Variants in ENSA observed in about 807,000 individuals in gnomAD.
ENSA encodes alpha-endosulfine.
Under a neutral mutation model 16.8 loss-of-function variants are expected in ENSA, and 7 were observed. That is an observed-to-expected ratio of 0.42 (90% confidence interval 0.24 to 0.78). The LOEUF (loss-of-function observed/expected upper bound fraction) is 0.78, where lower values mean the gene tolerates loss of function less well. Ranked by LOEUF, ENSA falls within the 30% of genes least tolerant of loss-of-function variation. The probability of loss-of-function intolerance (pLI) is 0.29; values close to 1 mark genes in which losing one functional copy is unlikely to be tolerated. For missense variants in ENSA, 87 were observed against 142.3 expected (o/e 0.61, Z 1.98); for synonymous variants, 58 against 53.4 (o/e 1.09, Z -0.37).
intron 3 of ENSA, chr1:150,623,594 T>C: frequency 1.0e-6 from 1 of 985,312 alleles, no homozygotes; most frequent in African/African-American, 1.7e-5. Context: ...GTACAGAATT[T>C]GAGAAGATCG....
intron 2 of ENSA, chr1:150,626,356 A>G: frequency 2.3e-6 from 2 of 869,352 alleles, no homozygotes; most frequent in Non-Finnish European, 1.9e-6. Context: ...CACATGTTCC[A>G]TGACTGTGAC....
chr1:150,629,291 C>G (rs1159676602), intron 1 of ENSA, 123 bp downstream of exon 1: 2 of 1,519,584 alleles, frequency 1.3e-6, no homozygotes, highest in Non-Finnish European at 1.8e-6. Flanking sequence ...CCCAGCGTGA[C>G]GCAAAAAGTG....
chr1:150,623,436 C>T, intron 3 of ENSA: 3 of 985,768 alleles, frequency 3.0e-6, no homozygotes, highest in Non-Finnish European at 3.6e-6. Context: ...TTGAAGATGA[C>T]CAGGTAGAGA....
In ENSA at chr1:150,627,503, T is replaced by G. The variant is rs764253231; in HGVS notation, c.147A>C (p.Gly49=). The G allele has an allele frequency of 3.1e-6, 5 of 1,614,222 alleles. No homozygotes were observed. The South Asian group carries it at 4.4e-5, about 14-fold the overall frequency. Residue 49 remains glycine (G), a synonymous_variant, in exon 2 of 4, where the codon GGA becomes GGC. Coordinates refer to ENST00000369014, the MANE Select transcript of ENSA (RefSeq NM_004436.4). ...AKYPSLGQKP[G]GSDFLMKRLQ... is the part of the protein sequence containing the mutation. ...GTCTCTTCATGAGGAAGTCGGAGCC[T>G]CCAGGCTTTTGTCCTAGGCTTGGGT...
chr1:150,626,860 A>G lies in ENSA; in HGVS notation c.183+607T>C, dbSNP rs986099843. On this transcript the variant is annotated intron_variant, in intron 2 of 3. Coordinates refer to ENST00000369014, the MANE Select transcript of ENSA (RefSeq NM_004436.4). The stretch of plus-strand genomic sequence containing the variant: ...CGCCTGGCCAAATTTTTTTTTTAAA[A>G]AACGATAATATAATCCCTCAGTCAG... Among the ~76,000 whole-genome samples the G allele has an allele frequency of 1.6e-4, 24 of 152,170 alleles. 1 individual carries two copies. Among genetic ancestry groups the G allele is most frequent in the Non-Finnish European group, 1.9e-4 (13 of 68,022 alleles).
At chr1:150,625,586 A>G (rs1267387667) in intron 3 of ENSA, 56 bp downstream of exon 3, 3 of 1,505,626 alleles carry the variant, frequency 2.0e-6, no homozygotes, top group Non-Finnish European at 2.7e-6. Context: ...ATCCCTGCCT[A>G]TAATATATAA....
chr1:150,629,066 C>T, intron 1 of ENSA: 1 of 1,614,156 alleles, frequency 6.2e-7, no homozygotes, highest in Non-Finnish European at 8.5e-7. Flanking sequence ...CTTACCTCTA[C>T]AAACCAATAA....
Position 150,622,700 on chromosome 1 carries a change from G to A in ENSA, c.*144C>T, listed in dbSNP as rs1042218849. 3.9e-6 allele frequency: 3 copies of A among 762,862 alleles called. No individual in the cohort carries two copies. Among genetic ancestry groups the A allele is most frequent in the African/African-American group, 1.8e-5 (1 of 55,280 alleles). The allele number at this position is 762,862 out of a possible 1,614,324, so 47.3% of individuals were successfully genotyped here. ...GCTCCATGTGCTGGGACACCAACAG[G>A]AAAGGGCTTCTGCCTCTCCAGCCCA... On this transcript the variant is annotated 3_prime_UTR_variant, in exon 4 of 4. Coordinates refer to ENST00000369014, the MANE Select transcript of ENSA (RefSeq NM_004436.4).
rs372855492 is a variant in ENSA at position 150,628,988 on chromosome 1, A to T, written c.57+426T>A. Reference sequence around the variant, plus strand: ...CCTCCCCCAATACTGGTTTTTTTTTAAACGTCTTTACCTCGACCCCTATCT... The same window carrying T: ...CCTCCCCCAATACTGGTTTTTTTTTTAACGTCTTTACCTCGACCCCTATCT... On this transcript the variant is annotated intron_variant, in intron 1 of 3. Transcript: ENST00000369014. 87 of 1,502,308 alleles carry T rather than the reference A, an allele frequency of 5.8e-5. No individual in the cohort carries two copies. In the African/African-American group the frequency reaches 1.0e-3, roughly 17 times the overall value. The allele number at this position is 1,502,308 out of a possible 1,614,324, so 93.1% of individuals were successfully genotyped here. A position where few individuals can be genotyped will look rare whatever the true frequency, so the allele number is the denominator to read the frequency against.
At chr1:150,629,289 G>A in intron 1 of ENSA, 125 bp downstream of exon 1, 4 of 1,515,526 alleles carry the variant, frequency 2.6e-6, no homozygotes, top group Non-Finnish European at 3.6e-6. Context: ...CACCCAGCGT[G>A]ACGCAAAAAG....
intron 2 of ENSA, among the ~76,000 whole-genome samples, 168 bp from the exon 3 acceptor site, chr1:150,625,976 T>C (rs1161967412): frequency 6.6e-6 from 1 of 152,230 alleles, no homozygotes; most frequent in Non-Finnish European, 1.5e-5. Flanking sequence ...TTACATGTAC[T>C]TATGTCTTCT....
At position 150,627,479 on chromosome 1, in the gene ENSA, T is replaced by C. The variant is rs774156801; in HGVS notation, c.171A>G (p.Arg57=). 1.1e-4 allele frequency: 176 copies of C among 1,613,940 alleles called. No individual in the cohort carries two copies. The highest frequency in any genetic ancestry group is 1.4e-4 in the Non-Finnish European group (165 of 1,180,024). The change falls in exon 2 of 4, where the codon AGA becomes AGG. Residue 57 remains arginine, a synonymous_variant. Coordinates refer to ENST00000369014, the MANE Select transcript of ENSA (RefSeq NM_004436.4). ...CTATGCCCCATACCCCTTTCTGGAG[T>C]CTCTTCATGAGGAAGTCGGAGCCTC... ...KPGGSDFLMK[R]LQKGQKYFDS...
chr1:150,624,617 C>T, intron 3 of ENSA: 1 of 985,724 alleles, frequency 1.0e-6, no homozygotes, highest in Non-Finnish European at 1.2e-6. Flanking sequence ...CTATAAGGTT[C>T]TCTTGCCTGA....
intron 1 of ENSA, 129 bp downstream of exon 1, chr1:150,629,285 G>C (rs1393793739): frequency 2.0e-6 from 3 of 1,512,324 alleles, no homozygotes; most frequent in Non-Finnish European, 2.7e-6. Context: ...AGCTCACCCA[G>C]CGTGACGCAA....
chr1:150,626,494 GAGA>G lies in ENSA; in HGVS notation c.184-689_184-687del, dbSNP rs1438634446. ...TTTCACCCACCATTTCATCCGCACA[GAGA>G]AGCACACTCCAATGTAATGATTTAT... On this transcript the variant is annotated intron_variant, in intron 2 of 3. Transcript: ENST00000369014. The G allele has an allele frequency of 4.3e-6, 7 of 1,613,742 alleles. No homozygotes were observed. The East Asian group carries it at 1.6e-4, about 36-fold the overall frequency.
chr1:150,629,299 GT>G, intron 1 of ENSA, 114 bp downstream of exon 1: 1 of 1,531,806 alleles, frequency 6.5e-7, no homozygotes, highest in Non-Finnish European at 8.8e-7. Context: ...GACGCAAAAA[GT>G]GGCCAACCCC....
chr1:150,624,208 T>C, intron 3 of ENSA: 2 of 985,608 alleles, frequency 2.0e-6, no homozygotes, highest in Non-Finnish European at 2.4e-6. Flanking sequence ...CCTCTCCTCA[T>C]GATAAAAGAG....
At chr1:150,629,272 T>G in intron 1 of ENSA, 142 bp downstream of exon 1, 2 of 1,509,438 alleles carry the variant, frequency 1.3e-6, no homozygotes, top group Non-Finnish European at 1.8e-6. Flanking sequence ...CATGTCGTGT[T>G]GAAGCTCACC....
In ENSA at chr1:150,629,359, C is replaced by T. The variant is rs373509426; in HGVS notation, c.57+55G>A. On this transcript the variant is annotated intron_variant, in intron 1 of 3. Transcript: ENST00000369014. ...CCAATCCGCACTGGTGGGAGACCGT[C>T]TCCCGCCCCATCACGGTCTCCCCAG... The T allele has an allele frequency of 3.8e-6, 6 of 1,594,066 alleles. No individual in the cohort carries two copies. In the African/African-American group the frequency reaches 5.4e-5, roughly 14 times the overall value.
Sources: gnomAD v4.1 joint callset for allele counts (sites outside exome capture counted in the v4.1 genomes callset) on GRCh38, gnomAD v4.1.1 for gene constraint, MANE v1.5 for transcripts, NCBI Gene and HGNC (gene_info 2026-07-23, HGNC 2026-07-21) for gene names.